The following MMP2 variants were observed in gnomAD, a reference collection of about 807,000 sequenced individuals.
The protein encoded by MMP2 is matrix metallopeptidase 2, also known as 72 kDa type IV collagenase.
Under a neutral mutation model 74.8 loss-of-function variants are expected in MMP2, and 39 were observed. The ratio of observed to expected loss-of-function variants is 0.52; its 90% confidence interval spans 0.40 to 0.68. The LOEUF (loss-of-function observed/expected upper bound fraction) is 0.68. MMP2 is among the 30% of genes least tolerant of loss of function. The pLI is 0.00. For synonymous variants in MMP2, 367 were observed against 339.8 expected (o/e 1.08, Z -0.88); for missense variants, 803 against 878.3 (o/e 0.91, Z 1.08).
intron 7 of MMP2, among the ~76,000 whole-genome samples, chr16:55,491,538 C>T (rs1385778206): frequency 6.6e-6 from 1 of 152,096 alleles, no homozygotes; most frequent in East Asian, 1.9e-4. Flanking sequence ...TCCTTTATAG[C>T]ACACCTGTCC....
intron 11 of MMP2, among the ~76,000 whole-genome samples, chr16:55,500,494 TACACACACACACACACACACACACACAC>T (rs55996787): frequency 7.3e-6 from 1 of 136,194 alleles, no homozygotes; most frequent in Non-Finnish European, 1.5e-5. Flanking sequence ...CATGTGCGCA[TACACACACACACACACACACACACACAC>T]ACACACACAC....
At chr16:55,491,365 A>G (rs1208128565) in intron 7 of MMP2, among the ~76,000 whole-genome samples, 1 of 152,180 alleles carries the variant, frequency 6.6e-6, no homozygotes, top group Non-Finnish European at 1.5e-5. Context: ...AAATGGTGGC[A>G]ACATGGGGCC....
intron 1 of MMP2, chr16:55,481,410 T>G (rs1266866868): frequency 6.2e-6 from 1 of 161,930 alleles, no homozygotes; most frequent in Middle Eastern, 2.8e-3. Context: ...TGAGGACGAC[T>G]AGAGGTCACT....
In MMP2 at chr16:55,505,625, A is replaced by G. The variant is rs111371964; in HGVS notation, c.*183A>G. 4,305 of 644,358 alleles carry G rather than the reference A, an allele frequency of 6.7e-3. 51 individuals are homozygous for G. Among genetic ancestry groups the G allele is most frequent in the African/African-American group, 0.022 (1,230 of 55,356 alleles). 39.9% of individuals were successfully genotyped at this position (644,358 alleles called of 1,614,324 possible). A position where few individuals can be genotyped will look rare whatever the true frequency, so the allele number is the denominator to read the frequency against. On this transcript the variant is annotated 3_prime_UTR_variant, in exon 13 of 13. Transcript: ENST00000219070. ...GTGGCTCCTCCCGGTGCCCAAGAAT[A>G]GATGCTGACTGTACTCCTCCCAGGC...
At chr16:55,495,159 C>G (rs544945409) in intron 9 of MMP2, among the ~76,000 whole-genome samples, 2 of 152,302 alleles carry the variant, frequency 1.3e-5, no homozygotes, top group African/African-American at 4.8e-5. Flanking sequence ...CGTCAGGCCT[C>G]GAATGCCCAA....
chr16:55,502,937 C>A, intron 12 of MMP2, 49 bp downstream of exon 12: 2 of 1,441,536 alleles, frequency 1.4e-6, no homozygotes, highest in Non-Finnish European at 1.9e-6. Flanking sequence ...CCGCCCCTAG[C>A]CAGGGCCCAG....
rs141033596 is a variant in MMP2 at position 55,496,936 on chromosome 16, C to T, written c.1483C>T (p.Arg495Trp). ...CTTGCCTCCTGCCAGGTTCATTTGG[C>T]GGACTGTGACGCCACGTGACAAGCC... The part of the protein sequence containing the change: ...IFFFKDRFIW[R>W]TVTPRDKPMG... Residue 495 changes from arginine to tryptophan, a missense_variant, in exon 10 of 13, where the codon CGG (arginine) becomes TGG (tryptophan). This residue lies in a region of MMP2 where 555 missense variants were observed against 592.0 expected (regional missense o/e 0.94). Transcript: ENST00000219070. The T allele has an allele frequency of 2.1e-5, 34 of 1,613,840 alleles. No individual in the cohort carries two copies. Among genetic ancestry groups the T allele is most frequent in the Middle Eastern group, 1.6e-4 (1 of 6,084 alleles).
intron 10 of MMP2, 22 bp downstream of exon 10, chr16:55,497,084 T>A: frequency 6.2e-7 from 1 of 1,613,816 alleles, no homozygotes; most frequent in South Asian, 1.1e-5. Context: ...GCACCCTTCC[T>A]TGGCCCTCAG....
Position 55,485,344 on chromosome 16 carries a change from C to A in MMP2, c.575C>A (p.Ala192Asp). The A allele has an allele frequency of 6.2e-7, 1 of 1,614,126 alleles. No individual in the cohort carries two copies. Among genetic ancestry groups the A allele is most frequent in the Non-Finnish European group, 8.5e-7 (1 of 1,180,018 alleles). ...TTTGACGGTAAGGACGGACTCCTGG[C>A]TCATGCCTTCGCCCCAGGCACTGGT... Reference protein sequence around the residue: ...YPFDGKDGLLAHAFAPGTGVG... With the variant: ...YPFDGKDGLLDHAFAPGTGVG... The change falls in exon 4 of 13, where the codon GCT becomes GAT. Residue 192 changes from alanine to aspartate, a missense_variant. Around this residue, in one of 3 missense-constraint regions of MMP2, gnomAD observed 25 missense variants for 53.5 expected, o/e 0.47. Coordinates refer to ENST00000219070, the MANE Select transcript of MMP2 (RefSeq NM_004530.6).
chr16:55,502,334 C>T (rs1257066110), intron 11 of MMP2, among the ~76,000 whole-genome samples: 4 of 152,172 alleles, frequency 2.6e-5, no homozygotes, highest in African/African-American at 2.4e-5. Context: ...TGTAAGGGAG[C>T]TAACATTTCT....
intron 11 of MMP2, among the ~76,000 whole-genome samples, chr16:55,502,476 G>A (rs1962690425): frequency 6.6e-6 from 1 of 152,218 alleles, no homozygotes; most frequent in Admixed American, 6.5e-5. Context: ...AACTGTAGCT[G>A]TATGGAAAGT....
chr16:55,496,857 G>T (rs563820196), intron 9 of MMP2, 69 bp from the exon 10 acceptor site: 21 of 1,600,482 alleles, frequency 1.3e-5, no homozygotes, highest in Non-Finnish European at 1.8e-5. Context: ...GTGGGTTTGG[G>T]GGTGTGTGTG....
intron 3 of MMP2, 95 bp from the exon 4 acceptor site, chr16:55,485,204 G>A (rs1567374144): frequency 1.9e-6 from 3 of 1,561,330 alleles, no homozygotes; most frequent in East Asian, 2.2e-5. Flanking sequence ...GACAGATGCT[G>A]GGTGGGCTGA....
At chr16:55,481,966 C>A (rs1300402881) in intron 1 of MMP2, 2 of 634,354 alleles carry the variant, frequency 3.2e-6, no homozygotes, top group African/African-American at 3.7e-5. Flanking sequence ...CTACTTCCAA[C>A]AAGGCTAGGA....
At chr16:55,486,351 G>GCC (rs1962256945) in intron 5 of MMP2, among the ~76,000 whole-genome samples, 19 of 59,550 alleles carry the variant, frequency 3.2e-4, no homozygotes, top group African/African-American at 9.7e-4. Context: ...GTGTGCCTGT[G>GCC]TGTGTGTGTG....
rs757692735 is a variant in MMP2, at chr16:55,491,796, C to T, written c.1181-5C>T. 4 of 1,614,194 alleles carry T rather than the reference C, an allele frequency of 2.5e-6. No homozygotes were observed. The highest frequency in any genetic ancestry group is 3.3e-5 in the Admixed American group (2 of 60,030). ...TCAACCCTCTCTCCTCCCTGCAACCCTCAGGGTACAGCCTGTTCCTCGTGG... is the reference window on the plus strand; with the variant it reads ...TCAACCCTCTCTCCTCCCTGCAACCTTCAGGGTACAGCCTGTTCCTCGTGG... On this transcript the variant is annotated splice_polypyrimidine_tract_variant and splice_region_variant and intron_variant, in intron 7 of 12. Transcript: ENST00000219070.
At chr16:55,489,238 C>T (rs1962339759) in intron 6 of MMP2, among the ~76,000 whole-genome samples, 1 of 152,226 alleles carries the variant, frequency 6.6e-6, no homozygotes, top group Non-Finnish European at 1.5e-5. Flanking sequence ...AGAGGTTGGT[C>T]TCTGCAAAGC....
intron 8 of MMP2, 40 bp from the exon 9 acceptor site, chr16:55,493,118 C>G: frequency 6.2e-7 from 1 of 1,611,984 alleles, no homozygotes; most frequent in Non-Finnish European, 8.5e-7. Flanking sequence ...GGGAGAACCT[C>G]TGGAGCTGCA....
intron 6 of MMP2, 127 bp from the exon 7 acceptor site, chr16:55,489,523 TA>T: frequency 8.5e-7 from 1 of 1,182,470 alleles, no homozygotes; most frequent in Non-Finnish European, 1.3e-6. Context: ...GAGATGAGTC[TA>T]AAGATACAGT....
Sources: allele counts gnomAD v4.1 joint callset (sites outside exome capture counted in the v4.1 genomes callset), GRCh38; gene constraint gnomAD v4.1.1; regional missense constraint gnomAD v4.1.1; transcripts MANE v1.5; gene names NCBI Gene and HGNC (gene_info 2026-07-23, HGNC 2026-07-21).